The following MATCAP1 variants were observed in gnomAD, a reference collection of about 807,000 sequenced individuals.
MATCAP1 encodes the protein microtubule-associated tyrosine carboxypeptidase 1.
chr16:67,179,637 G>T, the MATCAP1 span: 1 of 1,505,608 alleles, frequency 6.6e-7, no homozygotes, highest in South Asian at 1.2e-5. This position sits in a 1 kb window ranked among gnomAD's most constrained non-coding sequence, Gnocchi z 5.2. Context: ...GATGCCACAG[G>T]GCAGCGAGGC....
chr16:67,180,010 G>A, the MATCAP1 span: 2 of 1,612,856 alleles, frequency 1.2e-6, no homozygotes, highest in South Asian at 2.2e-5. Context: ...GGGTGGTCAG[G>A]GCCAGGATAC....
At chr16:67,179,086 G>A in the MATCAP1 span, 3 of 1,176,362 alleles carry the variant, frequency 2.6e-6, no homozygotes, top group South Asian at 1.9e-5. This position sits in a 1 kb window ranked among gnomAD's most constrained non-coding sequence, Gnocchi z 5.2. Context: ...GAGGGCCAGC[G>A]TGGTGGCTGG....
chr16:67,180,103 C>T, the MATCAP1 span: 3 of 1,614,214 alleles, frequency 1.9e-6, no homozygotes, highest in Non-Finnish European at 2.5e-6. Context: ...GGCATGGGCT[C>T]CTGGTACTCA....
At chr16:67,178,808 C>T in the MATCAP1 span, 1 of 657,090 alleles carries the variant, frequency 1.5e-6, no homozygotes, top group South Asian at 1.5e-5. Context: ...CTGACATTGC[C>T]CCCAGCCCTC....
the MATCAP1 span, chr16:67,180,295 G>A: frequency 1.7e-5 from 28 of 1,612,320 alleles, no homozygotes; most frequent in South Asian, 6.6e-5. Context: ...CCTGGGTTCC[G>A]TCCCCGTCCA....
At chr16:67,178,531 G>A in the MATCAP1 span, 1 of 1,511,856 alleles carries the variant, frequency 6.6e-7, no homozygotes, top group Non-Finnish European at 8.8e-7. Flanking sequence ...GGGAGGCGGC[G>A]CTGGGCGGGG....
the MATCAP1 span, chr16:67,175,616 T>C: frequency 6.4e-6 from 1 of 155,042 alleles, no homozygotes; most frequent in African/African-American, 2.4e-5. Flanking sequence ...CATTACTGTT[T>C]TAATTGTCTG....
chr16:67,182,324 A>T, the MATCAP1 span, among the ~76,000 whole-genome samples: 1 of 151,908 alleles, frequency 6.6e-6, no homozygotes, highest in African/African-American at 2.4e-5. Flanking sequence ...ACACAGTCGA[A>T]CTTAGTTCTC....
At chr16:67,180,449 G>A in the MATCAP1 span, 26 of 1,609,570 alleles carry the variant, frequency 1.6e-5, no homozygotes, top group South Asian at 7.7e-5. Flanking sequence ...GCAGCGCTGG[G>A]GGGACTGCCA....
the MATCAP1 span, chr16:67,180,672 G>A: frequency 1.6e-6 from 2 of 1,263,014 alleles, no homozygotes; most frequent in Middle Eastern, 2.0e-4. Context: ...GACCTCTGGG[G>A]ACACAGAAGG....
At chr16:67,183,416 T>G in the MATCAP1 span, 1 of 152,250 alleles carries the variant, frequency 6.6e-6, no homozygotes, top group African/African-American at 2.4e-5. Flanking sequence ...CCGCGTCTAG[T>G]GTCCCACTGC....
At chr16:67,179,305 C>A in the MATCAP1 span, 1 of 1,501,464 alleles carries the variant, frequency 6.7e-7, no homozygotes, top group East Asian at 2.3e-5. The surrounding 1 kb of genome is among the most constrained non-coding windows in gnomAD (Gnocchi z 5.2). Flanking sequence ...GAAGGGAAAG[C>A]CCCGACCTCA....
chr16:67,180,465 A>C, the MATCAP1 span: 1 of 1,607,040 alleles, frequency 6.2e-7, no homozygotes, highest in Non-Finnish European at 8.5e-7. Flanking sequence ...TGCCAGAGCC[A>C]GGGGCAAGGC....
chr16:67,178,076 G>A, the MATCAP1 span: 4 of 1,614,038 alleles, frequency 2.5e-6, no homozygotes, highest in African/African-American at 1.3e-5. Flanking sequence ...GCACGATGCC[G>A]TCCAGGTACA....
chr16:67,180,635 C>G, the MATCAP1 span: 2 of 1,481,370 alleles, frequency 1.4e-6, no homozygotes, highest in Non-Finnish European at 1.8e-6. Context: ...CACATCCAGC[C>G]GGGTCACTCC....
chr16:67,178,232 C>T, the MATCAP1 span: 2 of 1,544,402 alleles, frequency 1.3e-6, no homozygotes, highest in African/African-American at 1.4e-5. Context: ...CCGCGCTTGG[C>T]GCGCACGCAG....
chr16:67,179,263 C>T, the MATCAP1 span: 2 of 1,466,582 alleles, frequency 1.4e-6, no homozygotes, highest in Non-Finnish European at 9.0e-7. The surrounding 1 kb of genome is among the most constrained non-coding windows in gnomAD (Gnocchi z 5.2). Flanking sequence ...TGGCCTACCT[C>T]TGTAAGCAGA....
chr16:67,183,580 G>T, the MATCAP1 span: 2 of 152,446 alleles, frequency 1.3e-5, no homozygotes, highest in African/African-American at 4.8e-5. Context: ...AAGGATGGAT[G>T]GGGGAGGAGC....
the MATCAP1 span, chr16:67,180,623 G>T: frequency 3.3e-5 from 49 of 1,501,342 alleles, 1 homozygote; most frequent in Admixed American, 1.0e-3. Context: ...TGTCCTGGGG[G>T]TCACATCCAG....
Sources: allele counts gnomAD v4.1 joint callset (sites outside exome capture counted in the v4.1 genomes callset), GRCh38; gene constraint gnomAD v4.1.1; non-coding constraint Gnocchi (gnomAD v3.1); transcripts MANE v1.5; gene names NCBI Gene and HGNC (gene_info 2026-07-23, HGNC 2026-07-21).